Variants in DRC1 observed in about 807,000 individuals in gnomAD.
DRC1 encodes dynein regulatory complex subunit 1, also known as dynein regulatory complex protein 1.
Under a neutral mutation model 98.7 loss-of-function variants are expected in DRC1, and 74 were observed. The observed-to-expected ratio is 0.75, with a 90% CI of 0.62 to 0.91. The LOEUF is 0.91. Among genes scored for constraint, DRC1 ranks in the 40% least tolerant of loss-of-function variants. The probability of loss-of-function intolerance (pLI) is 0.00; values close to 1 mark genes in which losing one functional copy is unlikely to be tolerated. For synonymous variants in DRC1, 336 were observed against 334.1 expected, an observed-to-expected ratio of 1.01 and a Z score of -0.06; for missense variants, 875 against 886.0, an observed-to-expected ratio of 0.99 and a Z score of 0.16.
chr2:26,404,451 A>G (rs114600639), intron 1 of DRC1, among the ~76,000 whole-genome samples: 3,228 of 152,318 alleles, frequency 0.021, 42 homozygotes, highest in South Asian at 0.049. Flanking sequence ...GCTCTAGTGA[A>G]GCTTACCACA....
chr2:26,411,087 G>A (rs1001104805), intron 1 of DRC1, among the ~76,000 whole-genome samples: 4 of 152,144 alleles, frequency 2.6e-5, no homozygotes, highest in Non-Finnish European at 4.4e-5. Flanking sequence ...CCACAAACAT[G>A]GGGCGGTGGT....
At chr2:26,449,201 T>A (rs2148003963) in intron 11 of DRC1, among the ~76,000 whole-genome samples, 1 of 152,366 alleles carries the variant, frequency 6.6e-6, no homozygotes, top group East Asian at 1.9e-4. Flanking sequence ...TGACTCTGGC[T>A]ATGTTGGGAT....
Position 26,456,684 on chromosome 2 carries a change from G to A in DRC1, c.*167G>A, listed in dbSNP as rs1460738086. On this transcript the variant is annotated 3_prime_UTR_variant, in exon 17 of 17. Transcript: ENST00000288710. Reference sequence around the variant, plus strand: ...GAGCCAGAGGAGTTACCTGTGTCCTGCATTATGATTAAAGCCTTTTAAAGT... The same window carrying A: ...GAGCCAGAGGAGTTACCTGTGTCCTACATTATGATTAAAGCCTTTTAAAGT... The A allele has an allele frequency of 8.4e-6, 6 of 711,636 alleles. No individual in the cohort carries two copies. The highest frequency in any genetic ancestry group is 1.4e-5 in the Non-Finnish European group (6 of 429,688). 44.1% of individuals were successfully genotyped at this position (711,636 alleles called of 1,614,324 possible).
intron 7 of DRC1, among the ~76,000 whole-genome samples, chr2:26,433,296 G>C (rs929052550): frequency 6.6e-6 from 1 of 152,206 alleles, no homozygotes; most frequent in Non-Finnish European, 1.5e-5. Flanking sequence ...AAAGGTGTTA[G>C]ATGAAAGCTT....
chr2:26,405,940 G>A (rs901300564), intron 1 of DRC1, among the ~76,000 whole-genome samples: 3 of 152,092 alleles, frequency 2.0e-5, no homozygotes, highest in African/African-American at 4.8e-5. Context: ...GATTACAGGC[G>A]TGAGCCACTG....
At chr2:26,430,327 G>T (rs552572362) in intron 5 of DRC1, among the ~76,000 whole-genome samples, 2 of 152,230 alleles carry the variant, frequency 1.3e-5, no homozygotes, top group African/African-American at 4.8e-5. Flanking sequence ...AGCCAAGAAG[G>T]TGGAGGCCTC....
intron 7 of DRC1, among the ~76,000 whole-genome samples, chr2:26,436,187 C>CGT (rs1663567216): frequency 1.3e-5 from 2 of 150,898 alleles, no homozygotes; most frequent in African/African-American, 4.9e-5. Context: ...GGTATCTCAT[C>CGT]GTGGTTTTGA....
At chr2:26,431,041 A>T (rs1255832720) in intron 6 of DRC1, among the ~76,000 whole-genome samples, 169 bp downstream of exon 6, 1 of 148,762 alleles carries the variant, frequency 6.7e-6, no homozygotes, top group East Asian at 2.0e-4. Flanking sequence ...GCTCACTGCA[A>T]CCTCTGACTG....
At chr2:26,450,253 C>T (rs1221931381) in intron 12 of DRC1, among the ~76,000 whole-genome samples, 168 bp downstream of exon 12, 1 of 152,208 alleles carries the variant, frequency 6.6e-6, no homozygotes, top group Admixed American at 6.5e-5. Flanking sequence ...ACATTGGTCT[C>T]AGACTCACTG....
chr2:26,405,159 G>A (rs1447904187), intron 1 of DRC1, among the ~76,000 whole-genome samples: 6 of 152,122 alleles, frequency 3.9e-5, no homozygotes, highest in Admixed American at 3.9e-4. Context: ...CTTTACCAGC[G>A]TGCACCCTTA....
chr2:26,417,328 T>A (rs1678841970), intron 2 of DRC1, among the ~76,000 whole-genome samples: 1 of 141,626 alleles, frequency 7.1e-6, no homozygotes, highest in South Asian at 2.2e-4. Flanking sequence ...TTGGCTATTC[T>A]TTTTTTTTTT....
Position 26,422,207 on chromosome 2 carries a change from G to A in DRC1, c.356+807G>A, listed in dbSNP as rs73920274. Among the ~76,000 whole-genome samples, 727 of 152,320 alleles carry A rather than the reference G, an allele frequency of 4.8e-3. 8 individuals are homozygous for A. The highest frequency in any genetic ancestry group is 0.016 in the African/African-American group (680 of 41,560). ...GCAGAGGTGTGAGATCACATGATGTGCTTGGGAATGGCATGATAGCGAAGG... is the reference window on the plus strand; with the variant it reads ...GCAGAGGTGTGAGATCACATGATGTACTTGGGAATGGCATGATAGCGAAGG... On this transcript the variant is annotated intron_variant, in intron 3 of 16. Transcript: ENST00000288710.
Position 26,448,716 on chromosome 2 carries a change from C to T in DRC1, c.1422C>T (p.Ala474=), listed in dbSNP as rs977739922. Residue 474 remains alanine (A), a synonymous_variant, in exon 11 of 17, where the codon GCC becomes GCT. Transcript: ENST00000288710. ...RSEEEEAEEA[A]AEPESYLDLP... ...AAGAGGAGGAGGCAGAAGAGGCCGC[C>T]GCGGAACCAGAGTCCTACCTGGATT... 4.6e-5 allele frequency: 74 copies of T among 1,614,096 alleles called. No homozygotes were observed. Among genetic ancestry groups the T allele is most frequent in the Non-Finnish European group, 5.1e-5 (60 of 1,180,052 alleles).
Position 26,440,316 on chromosome 2 carries a change from T to G in DRC1, c.889-62T>G, listed in dbSNP as rs1407848393. ...TAAGGATGCAGGTGTAGAGTTAGTG[T>G]GTTTGTGTGTGTGTGTGTGTGTGTG... is the stretch of plus-strand genomic sequence containing the variant. On this transcript the variant is annotated intron_variant, in intron 7 of 16. Coordinates refer to ENST00000288710, the MANE Select transcript of DRC1 (RefSeq NM_145038.5). 3.6e-6 allele frequency: 5 copies of G among 1,408,184 alleles called. No individual in the cohort carries two copies. In the African/African-American group the frequency reaches 6.7e-5, roughly 19 times the overall value. 87.2% of individuals were successfully genotyped at this position (1,408,184 alleles called of 1,614,324 possible).
intron 4 of DRC1, among the ~76,000 whole-genome samples, chr2:26,426,900 A>T (rs944422179): frequency 1.3e-5 from 2 of 152,206 alleles, no homozygotes; most frequent in African/African-American, 2.4e-5. Context: ...TCATAAGCAC[A>T]GGATATCTTC....
In DRC1 at chr2:26,453,372, G is replaced by T; in HGVS notation, c.1742G>T (p.Ser581Ile). The part of the protein sequence containing the change: ...SMEKASMEET[S>I]TRSELELAEQ... ...GAGAAGGCGAGCATGGAGGAGACAAGCACGAGGTCAGAATTGGAGCTGGCA... is the reference window on the plus strand; with the variant it reads ...GAGAAGGCGAGCATGGAGGAGACAATCACGAGGTCAGAATTGGAGCTGGCA... The change falls in exon 14 of 17, where the codon AGC (serine) becomes ATC (isoleucine). Residue 581 changes from serine to isoleucine, a missense_variant. Coordinates refer to ENST00000288710, the MANE Select transcript of DRC1 (RefSeq NM_145038.5). 1 of 1,614,196 alleles carries T rather than the reference G, an allele frequency of 6.2e-7. No homozygotes were observed. Among genetic ancestry groups the T allele is most frequent in the Non-Finnish European group, 8.5e-7 (1 of 1,180,046 alleles).
rs755020111 is a variant in DRC1, at chr2:26,453,523, C to T, written c.1893C>T (p.Ala631=). The stretch of plus-strand genomic sequence containing the variant: ...ATGATGTCCTCAAGATTCTGGAGGC[C>T]TTCGTCATGGGTCTGAAGAAGCCTA... ...HPNDVLKILE[A]FVMGLKKPRD... Residue 631 remains alanine (A), a synonymous_variant, in exon 14 of 17, where the codon GCC becomes GCT. Transcript: ENST00000288710. The T allele has an allele frequency of 5.6e-6, 9 of 1,614,022 alleles. No individual in the cohort carries two copies. In the East Asian group the frequency reaches 1.6e-4, roughly 28 times the overall value.
intron 10 of DRC1, chr2:26,448,363 G>A (rs1397913963): frequency 1.9e-6 from 1 of 527,340 alleles, no homozygotes; most frequent in East Asian, 5.4e-5. Flanking sequence ...AAGAATAAAT[G>A]GGCTCACACT....
rs951459324 is a variant in DRC1, at chr2:26,454,518, C to T, written c.1920-129C>T. ...TGCGTCCTTTCTGAGAACCTGCCAC[C>T]GTCTAATAAACTTGGACTGCTGAGT... is the stretch of plus-strand genomic sequence containing the variant. On this transcript the variant is annotated intron_variant, in intron 14 of 16. Transcript: ENST00000288710. This position sits in a 1 kb window ranked among gnomAD's most constrained non-coding sequence, Gnocchi z 5.2. 41 of 1,346,872 alleles carry T rather than the reference C, an allele frequency of 3.0e-5. No homozygotes were observed. In the Admixed American group the frequency reaches 4.0e-4, roughly 13 times the overall value. 83.4% of individuals were successfully genotyped at this position (1,346,872 alleles called of 1,614,324 possible).
Sources: allele counts gnomAD v4.1 joint callset (sites outside exome capture counted in the v4.1 genomes callset), GRCh38; gene constraint gnomAD v4.1.1; non-coding constraint Gnocchi (gnomAD v3.1); transcripts MANE v1.5; gene names NCBI Gene and HGNC (gene_info 2026-07-23, HGNC 2026-07-21).